Variants in PARD3B observed in about 807,000 individuals in gnomAD.
PARD3B encodes partitioning defective 3 homolog B.
A neutral mutation model predicts 130.2 loss-of-function variants in PARD3B; 103 were observed. That is an observed-to-expected ratio of 0.79 (90% CI 0.67 to 0.93). PARD3B has a LOEUF of 0.93. Ranked by LOEUF, PARD3B falls within the 40% of genes least tolerant of loss-of-function variation. The pLI is 0.00. For missense variants in PARD3B, 1,609 were observed against 1,499.2 expected, an observed-to-expected ratio of 1.07 and a Z score of -1.21; for synonymous variants, 583 against 553.2, an observed-to-expected ratio of 1.05 and a Z score of -0.76.
At chr2:205,180,690 A>G (rs977947611) in intron 13 of PARD3B, among the ~76,000 whole-genome samples, 1 of 151,844 alleles carries the variant, frequency 6.6e-6, no homozygotes. Context: ...TACCACCCAC[A>G]GTTCTTGGTT....
chr2:205,098,245 A>T (rs1263725632), intron 4 of PARD3B, among the ~76,000 whole-genome samples: 1 of 152,182 alleles, frequency 6.6e-6, no homozygotes, highest in African/African-American at 2.4e-5. Flanking sequence ...AGAAACTTGC[A>T]GTTGACTTTT....
At chr2:204,683,665 T>C (rs937848670) in intron 1 of PARD3B, among the ~76,000 whole-genome samples, 2 of 152,132 alleles carry the variant, frequency 1.3e-5, no homozygotes, top group African/African-American at 4.8e-5. Context: ...TGAGACTGAT[T>C]TCCTATGGCT....
At chr2:204,835,579 G>C (rs954354046) in intron 2 of PARD3B, among the ~76,000 whole-genome samples, 4 of 152,158 alleles carry the variant, frequency 2.6e-5, no homozygotes, top group Admixed American at 2.6e-4. Flanking sequence ...TGGTTGGAAA[G>C]GGTGGTTTAT....
chr2:204,591,367 A>T (rs2125094142), intron 1 of PARD3B, among the ~76,000 whole-genome samples: 1 of 152,300 alleles, frequency 6.6e-6, no homozygotes, highest in South Asian at 2.1e-4. Flanking sequence ...CCAACCTCTG[A>T]CCCTTTTGTC....
Position 204,926,218 on chromosome 2 carries a change from C to T in PARD3B, c.223-38934C>T, listed in dbSNP as rs545004780. On this transcript the variant is annotated intron_variant, in intron 2 of 22. Coordinates refer to ENST00000406610, the MANE Select transcript of PARD3B (RefSeq NM_001302769.2). The stretch of plus-strand genomic sequence containing the variant: ...CAAAGTAATCCCCCAGAGAAAATCA[C>T]AGGGCTGTTAGGAATGGGGAATGGA... Among the ~76,000 whole-genome samples the T allele has an allele frequency of 1.1e-4, 17 of 152,108 alleles. No homozygotes were observed. The East Asian group carries it at 3.3e-3, about 29-fold the overall frequency.
chr2:205,582,979 A>C (rs571191591), intron 22 of PARD3B, among the ~76,000 whole-genome samples: 1 of 152,304 alleles, frequency 6.6e-6, no homozygotes, highest in Non-Finnish European at 1.5e-5. Context: ...TGCTTATGGC[A>C]GGTGGGGGGA....
chr2:205,126,699 T>C (rs1270066264), intron 10 of PARD3B, among the ~76,000 whole-genome samples: 1 of 133,032 alleles, frequency 7.5e-6, no homozygotes. Flanking sequence ...TGAGCCGAGA[T>C]TGCGCCACTG....
chr2:205,420,762 C>G (rs534113095), intron 19 of PARD3B, among the ~76,000 whole-genome samples: 149 of 152,192 alleles, frequency 9.8e-4, no homozygotes, highest in African/African-American at 3.4e-3. Flanking sequence ...GGATACTTCC[C>G]TTGTATTATT....
At chr2:204,571,898 A>C (rs1348058456) in intron 1 of PARD3B, among the ~76,000 whole-genome samples, 1 of 152,212 alleles carries the variant, frequency 6.6e-6, no homozygotes, top group African/African-American at 2.4e-5. Context: ...TGTAATTATT[A>C]TTGCCGTGGC....
At chr2:205,604,737 A>G (rs999522196) in intron 22 of PARD3B, among the ~76,000 whole-genome samples, 3 of 152,066 alleles carry the variant, frequency 2.0e-5, no homozygotes, top group Non-Finnish European at 4.4e-5. Context: ...GATTTCCTGA[A>G]TTTAAGTGTT....
At chr2:204,701,610 T>G (rs375817422) in intron 2 of PARD3B, among the ~76,000 whole-genome samples, 480 of 152,350 alleles carry the variant, frequency 3.2e-3, no homozygotes, top group Non-Finnish European at 5.6e-3. Context: ...TGTTTTCTTC[T>G]GGATTTAACT....
chr2:204,559,573 C>T (rs1238720926), intron 1 of PARD3B, among the ~76,000 whole-genome samples: 1 of 152,162 alleles, frequency 6.6e-6, no homozygotes, highest in Non-Finnish European at 1.5e-5. Flanking sequence ...AATAGGAATG[C>T]TATTATGCTG....
intron 13 of PARD3B, among the ~76,000 whole-genome samples, chr2:205,177,734 G>C (rs1461610103): frequency 6.6e-6 from 1 of 152,148 alleles, no homozygotes; most frequent in East Asian, 1.9e-4. Flanking sequence ...AGTAGCAACA[G>C]CTGCTATCAT....
intron 20 of PARD3B, among the ~76,000 whole-genome samples, chr2:205,495,212 G>A (rs534480045): frequency 6.6e-6 from 1 of 152,244 alleles, no homozygotes; most frequent in East Asian, 1.9e-4. Context: ...TTATAAGAAA[G>A]GGCCTGTTTA....
intron 20 of PARD3B, among the ~76,000 whole-genome samples, chr2:205,459,989 G>A (rs573488334): frequency 2.6e-5 from 4 of 152,236 alleles, no homozygotes; most frequent in African/African-American, 9.6e-5. Flanking sequence ...TTGTACTTAT[G>A]TGAGTGAAAA....
intron 22 of PARD3B, among the ~76,000 whole-genome samples, chr2:205,604,490 C>T (rs1432021273): frequency 6.6e-6 from 1 of 152,166 alleles, no homozygotes; most frequent in African/African-American, 2.4e-5. Context: ...CCTACTGGGT[C>T]CCTCGCACAA....
At chr2:205,481,938 G>A (rs1456540175) in intron 20 of PARD3B, among the ~76,000 whole-genome samples, 3 of 152,206 alleles carry the variant, frequency 2.0e-5, no homozygotes, top group Non-Finnish European at 4.4e-5. Context: ...TTGAGTGTAA[G>A]ACATTGGCTC....
intron 2 of PARD3B, among the ~76,000 whole-genome samples, chr2:204,805,981 A>G (rs2042753699): frequency 6.6e-6 from 1 of 152,154 alleles, no homozygotes; most frequent in Admixed American, 6.6e-5. Flanking sequence ...GATGTGAGAA[A>G]TTGAAGAGGA....
At chr2:204,829,547 C>T (rs928028850) in intron 2 of PARD3B, among the ~76,000 whole-genome samples, 19 of 152,084 alleles carry the variant, frequency 1.2e-4, no homozygotes, top group African/African-American at 3.6e-4. Flanking sequence ...TAGGATGATA[C>T]GGTTTGGCTT....
Sources: allele counts gnomAD v4.1 joint callset (sites outside exome capture counted in the v4.1 genomes callset), GRCh38; gene constraint gnomAD v4.1.1; transcripts MANE v1.5; gene names NCBI Gene and HGNC (gene_info 2026-07-23, HGNC 2026-07-21).